HDAC9: variants seen among roughly 807,000 people sequenced by gnomAD.
The protein encoded by HDAC9 is histone deacetylase 9, also known as MEF-2 interacting transcription repressor (MITR) protein.
A neutral mutation model predicts 139.4 loss-of-function variants in HDAC9; 41 were observed. That is an observed-to-expected ratio of 0.29 (90% CI 0.23 to 0.38). The LOEUF is 0.38. Among genes scored for constraint, HDAC9 ranks in the 10% least tolerant of loss-of-function variants. HDAC9 has a pLI of 1.00. For synonymous variants in HDAC9, 517 were observed against 476.2 expected, an observed-to-expected ratio of 1.09 and a Z score of -1.12; for missense variants, 1,147 against 1,297.0, an observed-to-expected ratio of 0.88 and a Z score of 1.78.
intron 2 of HDAC9, among the ~76,000 whole-genome samples, chr7:18,174,292 G>A (rs927920733): frequency 2.6e-5 from 4 of 152,094 alleles, no homozygotes; most frequent in African/African-American, 9.7e-5. Flanking sequence ...ATGGTTTTCA[G>A]CTCCATCAGG....
intron 2 of HDAC9, chr7:18,578,317 T>G (rs1290101841): frequency 1.3e-5 from 6 of 479,538 alleles, no homozygotes; most frequent in African/African-American, 3.9e-5. Context: ...CCTTCACACA[T>G]GTTAGCCTGC....
intron 25 of HDAC9, among the ~76,000 whole-genome samples, chr7:18,993,718 G>A (rs1408310203): frequency 6.6e-6 from 1 of 152,044 alleles, no homozygotes; most frequent in African/African-American, 2.4e-5. Flanking sequence ...TAGGAGAATG[G>A]CTTGAGCCCG....
chr7:18,352,351 G>A (rs1782914813), intron 1 of HDAC9, among the ~76,000 whole-genome samples: 1 of 152,164 alleles, frequency 6.6e-6, no homozygotes, highest in Admixed American at 6.6e-5. Flanking sequence ...ATTCTGCTTA[G>A]AGGGAAACAG....
At chr7:18,412,145 C>G (rs1213840590) in intron 1 of HDAC9, among the ~76,000 whole-genome samples, 4 of 151,974 alleles carry the variant, frequency 2.6e-5, no homozygotes, top group Admixed American at 6.6e-5. Context: ...GCTGTATTTT[C>G]AATGTATGAT....
At chr7:18,732,230 T>C (rs1406664806) in intron 13 of HDAC9, among the ~76,000 whole-genome samples, 3 of 152,170 alleles carry the variant, frequency 2.0e-5, no homozygotes, top group Non-Finnish European at 4.4e-5. Context: ...TAAAAATTGA[T>C]ACAAGTTCAT....
chr7:18,857,152 T>C (rs1797742401), intron 21 of HDAC9, among the ~76,000 whole-genome samples: 1 of 152,184 alleles, frequency 6.6e-6, no homozygotes, highest in Non-Finnish European at 1.5e-5. Flanking sequence ...TGCTTTTCCT[T>C]TTGTCTGGAA....
At chr7:18,739,164 A>G (rs565606142) in intron 13 of HDAC9, among the ~76,000 whole-genome samples, 88 of 152,264 alleles carry the variant, frequency 5.8e-4, no homozygotes, top group Non-Finnish European at 1.1e-3. Context: ...CATTCATCTA[A>G]TCTTTTTTCA....
At chr7:18,344,787 A>T (rs1168077733) in intron 1 of HDAC9, among the ~76,000 whole-genome samples, 1 of 152,044 alleles carries the variant, frequency 6.6e-6, no homozygotes. Flanking sequence ...CTGGGAATGT[A>T]CTGTTTATCA....
chr7:18,843,418 C>T (rs193065137), intron 21 of HDAC9, among the ~76,000 whole-genome samples: 1 of 151,910 alleles, frequency 6.6e-6, no homozygotes, highest in Non-Finnish European at 1.5e-5. Flanking sequence ...ACTTAAATAA[C>T]CTAATCTAGT....
intron 6 of HDAC9, among the ~76,000 whole-genome samples, chr7:18,625,379 G>T (rs923632567): frequency 6.6e-6 from 1 of 152,108 alleles, no homozygotes; most frequent in East Asian, 1.9e-4. Flanking sequence ...TTGACTGATT[G>T]CCTGTCCCAG....
intron 12 of HDAC9, among the ~76,000 whole-genome samples, chr7:18,692,399 T>G (rs1221621565): frequency 6.6e-6 from 1 of 152,104 alleles, no homozygotes; most frequent in Non-Finnish European, 1.5e-5. Flanking sequence ...ACCATGACAT[T>G]TTTAAAATGT....
At chr7:18,412,631 C>CA (rs1788678207) in intron 1 of HDAC9, among the ~76,000 whole-genome samples, 2 of 152,312 alleles carry the variant, frequency 1.3e-5, no homozygotes, top group South Asian at 2.1e-4. Flanking sequence ...CTAAGGGACT[C>CA]ACGCTCAGTT....
intron 25 of HDAC9, among the ~76,000 whole-genome samples, chr7:18,976,971 C>A (rs1412422079): frequency 6.6e-6 from 1 of 152,166 alleles, no homozygotes; most frequent in Non-Finnish European, 1.5e-5. Flanking sequence ...GTTCTACTTT[C>A]TTGCTTTTAC....
intron 22 of HDAC9, among the ~76,000 whole-genome samples, chr7:18,904,763 G>A (rs890636460): frequency 1.7e-4 from 26 of 151,772 alleles, no homozygotes; most frequent in African/African-American, 5.6e-4. Context: ...TTTTAGTAGA[G>A]ACGAGGTTTC....
chr7:18,860,823 G>A (rs531398078), intron 21 of HDAC9, among the ~76,000 whole-genome samples: 1 of 152,232 alleles, frequency 6.6e-6, no homozygotes, highest in East Asian at 1.9e-4. Flanking sequence ...AGCAATCACA[G>A]GCAATTTTGA....
chr7:18,224,508 C>A (rs1352202434), intron 2 of HDAC9, among the ~76,000 whole-genome samples: 1 of 152,110 alleles, frequency 6.6e-6, no homozygotes, highest in African/African-American at 2.4e-5. Flanking sequence ...ACAAATTAAC[C>A]TCCGCAAACA....
intron 12 of HDAC9, among the ~76,000 whole-genome samples, chr7:18,682,770 G>A (rs779786303): frequency 6.6e-6 from 1 of 151,882 alleles, no homozygotes; most frequent in African/African-American, 2.4e-5. Context: ...ATCATTTGAG[G>A]TCAGGAGTTC....
At chr7:18,326,915 C>T (rs1027467111) in intron 1 of HDAC9, among the ~76,000 whole-genome samples, 3 of 151,902 alleles carry the variant, frequency 2.0e-5, no homozygotes, top group East Asian at 3.9e-4. Flanking sequence ...TAAACATGAA[C>T]CTTTCCCCTG....
chr7:18,375,451 G>A (rs750552666), intron 1 of HDAC9, among the ~76,000 whole-genome samples: 24 of 151,982 alleles, frequency 1.6e-4, no homozygotes, highest in Non-Finnish European at 2.9e-4. Context: ...CCTGGGCGAC[G>A]GAGCTAGACT....
Sources: allele counts gnomAD v4.1 joint callset (sites outside exome capture counted in the v4.1 genomes callset), GRCh38; gene constraint gnomAD v4.1.1; transcripts MANE v1.5; gene names NCBI Gene and HGNC (gene_info 2026-07-23, HGNC 2026-07-21).